PCDH15: variants seen among roughly 807,000 people sequenced by gnomAD.
PCDH15 encodes the protein protocadherin related 15, also known as protocadherin-15.
In PCDH15, 129 loss-of-function variants were observed where a neutral mutation model predicts 178.5. That is an observed-to-expected ratio of 0.72 (90% CI 0.63 to 0.84). The LOEUF is 0.84. Among genes scored for constraint, PCDH15 ranks in the 40% least tolerant of loss-of-function variants. The pLI, the probability that PCDH15 is intolerant of heterozygous loss-of-function variation, is 0.00. For synonymous variants in PCDH15, 800 were observed against 732.0 expected, an observed-to-expected ratio of 1.09 and a Z score of -1.50; for missense variants, 2,230 against 2,099.9, an observed-to-expected ratio of 1.06 and a Z score of -1.21.
chr10:54,271,987 CAT>C (rs2058073295), intron 8 of PCDH15, among the ~76,000 whole-genome samples: 1 of 141,820 alleles, frequency 7.1e-6, no homozygotes, highest in Admixed American at 7.1e-5. Context: ...TACCCAGTAA[CAT>C]ATATATGATA....
intron 16 of PCDH15, among the ~76,000 whole-genome samples, chr10:54,080,373 A>T (rs947687678): frequency 6.6e-6 from 1 of 152,114 alleles, no homozygotes; most frequent in Admixed American, 6.6e-5. Flanking sequence ...CTTGCTCTCT[A>T]ATGTAGGTTC....
chr10:54,008,151 G>A lies in PCDH15; in HGVS notation c.2751+12041C>T, dbSNP rs374227234. Among the ~76,000 whole-genome samples the A allele has an allele frequency of 2.5e-3, 388 of 152,274 alleles. 3 individuals carry two copies. The highest frequency in any genetic ancestry group is 6.8e-3 in the Middle Eastern group (2 of 294). ...TTTCCTACAAATTTTATTATGCTTA[G>A]ATGAACTTGGAATAAAAAAGTGGTA... is the stretch of plus-strand genomic sequence containing the variant. On this transcript the variant is annotated intron_variant, in intron 20 of 37. Transcript: ENST00000644397.
At chr10:55,598,551 T>TAGATAGATAGATAGATAG (rs1329668069) in intron 2 of PCDH15, among the ~76,000 whole-genome samples, 1 of 64,912 alleles carries the variant, frequency 1.5e-5, no homozygotes, top group African/African-American at 7.6e-5. Flanking sequence ...TATATATATA[T>TAGATAGATAGATAGATAG]ATATATATAT....
Position 55,102,426 on chromosome 10 carries a change from GT to G in PCDH15, c.-80+64149del, listed in dbSNP as rs1353862854. On this transcript the variant is annotated intron_variant, in intron 2 of 5. Coordinates refer to the PCDH15 transcript ENST00000458638. ...TAGTACTGAGCCCTATATATACTCT[GT>G]TTTTTTAATACATACTTATGATAAA... Among the ~76,000 whole-genome samples, 5 of 151,826 alleles carry G rather than the reference GT, an allele frequency of 3.3e-5. No homozygotes were observed. In the South Asian group the frequency reaches 6.2e-4, roughly 19 times the overall value.
At chr10:55,290,147 G>GATATAATAT (rs1218785895) in intron 1 of PCDH15, among the ~76,000 whole-genome samples, 2 of 151,830 alleles carry the variant, frequency 1.3e-5, no homozygotes, top group African/African-American at 4.8e-5. Flanking sequence ...TGTATTACTA[G>GATATAATAT]ATATAATATA....
chr10:54,114,078 A>T (rs2095071927), intron 15 of PCDH15, among the ~76,000 whole-genome samples: 2 of 152,150 alleles, frequency 1.3e-5, no homozygotes, highest in East Asian at 1.9e-4. Context: ...ACACGTGGGG[A>T]TTATTACAAT....
chr10:54,149,656 T>C (rs1254791155), intron 14 of PCDH15, among the ~76,000 whole-genome samples: 4 of 152,188 alleles, frequency 2.6e-5, no homozygotes, highest in Admixed American at 2.6e-4. Flanking sequence ...TTTTAATGAT[T>C]TGCCTTTTAC....
chr10:54,911,731 G>A (rs1954822105), intron 2 of PCDH15, among the ~76,000 whole-genome samples: 1 of 152,142 alleles, frequency 6.6e-6, no homozygotes, highest in Non-Finnish European at 1.5e-5. Context: ...TAGTGAGAGA[G>A]CTCTCATGAG....
At chr10:54,984,526 T>C (rs1288554776) in intron 2 of PCDH15, among the ~76,000 whole-genome samples, 2 of 152,166 alleles carry the variant, frequency 1.3e-5, no homozygotes, top group African/African-American at 4.8e-5. Context: ...CCATTCTTAA[T>C]TGAACTTAAG....
intron 34 of PCDH15, 130 bp from the exon 35 acceptor site, chr10:53,816,407 A>G (rs978739616): frequency 5.1e-6 from 2 of 393,188 alleles, no homozygotes; most frequent in African/African-American, 4.1e-5. Context: ...TTCATTATTC[A>G]TGTGTTAGCT....
At chr10:54,600,466 G>T (rs539134609) in intron 2 of PCDH15, 86 of 578,400 alleles carry the variant, frequency 1.5e-4, no homozygotes, top group Non-Finnish European at 2.8e-4. Flanking sequence ...AAAGAAGGGG[G>T]ATGATAAAAA....
intron 2 of PCDH15, among the ~76,000 whole-genome samples, chr10:54,586,160 A>G (rs2091448990): frequency 1.3e-5 from 2 of 152,170 alleles, no homozygotes; most frequent in African/African-American, 2.4e-5. Context: ...CTGTTCCATT[A>G]CAGATGGGAT....
intron 2 of PCDH15, among the ~76,000 whole-genome samples, chr10:55,395,587 C>T (rs928346979): frequency 6.6e-6 from 1 of 151,886 alleles, no homozygotes; most frequent in Non-Finnish European, 1.5e-5. Context: ...ATTTTTTAAG[C>T]CTATAGAATT....
intron 3 of PCDH15, among the ~76,000 whole-genome samples, chr10:54,435,484 G>A (rs1173782121): frequency 1.3e-5 from 2 of 152,268 alleles, no homozygotes; most frequent in East Asian, 3.9e-4. Context: ...CAGACAAAGG[G>A]CGGACTGCAA....
At chr10:54,524,072 G>A (rs958213402) in intron 3 of PCDH15, among the ~76,000 whole-genome samples, 3 of 151,946 alleles carry the variant, frequency 2.0e-5, no homozygotes, top group Admixed American at 6.6e-5. Context: ...CTCTTACATC[G>A]ATAAATTTCC....
chr10:55,569,327 G>T (rs1842362374), intron 2 of PCDH15, among the ~76,000 whole-genome samples: 1 of 151,964 alleles, frequency 6.6e-6, no homozygotes. Context: ...AGATGGAAAT[G>T]CAGCAAGATA....
intron 2 of PCDH15, chr10:54,528,265 T>G: frequency 1.1e-6 from 1 of 919,720 alleles, no homozygotes; most frequent in African/African-American, 1.7e-5. Flanking sequence ...GGACTTTAAT[T>G]GTGATAAAGG....
intron 5 of PCDH15, among the ~76,000 whole-genome samples, chr10:54,360,560 T>A (rs1945854038): frequency 6.6e-6 from 1 of 152,100 alleles, no homozygotes; most frequent in Admixed American, 6.6e-5. Flanking sequence ...CCCATTTCAT[T>A]ACCTTTTAGA....
At chr10:53,829,239 T>C (rs1262099139) in intron 30 of PCDH15, among the ~76,000 whole-genome samples, 1 of 151,328 alleles carries the variant, frequency 6.6e-6, no homozygotes, top group African/African-American at 2.5e-5. Flanking sequence ...TATGTTAATC[T>C]ATAAAAAGCA....
Sources: allele counts gnomAD v4.1 joint callset (sites outside exome capture counted in the v4.1 genomes callset), GRCh38; gene constraint gnomAD v4.1.1; transcripts MANE v1.5; gene names NCBI Gene and HGNC (gene_info 2026-07-23, HGNC 2026-07-21).